ZNF385D: variants seen among roughly 807,000 people sequenced by gnomAD.
ZNF385D encodes zinc finger protein 385D.
In ZNF385D, 15 loss-of-function variants were observed where a neutral mutation model predicts 35.8. The ratio of observed to expected loss-of-function variants is 0.42; its 90% CI spans 0.28 to 0.64. The LOEUF is 0.64. Ranked by LOEUF, ZNF385D falls within the 30% of genes least tolerant of loss-of-function variation. The pLI is 0.23. For synonymous variants in ZNF385D, 212 were observed against 186.8 expected, an observed-to-expected ratio of 1.13 and a Z score of -1.10; for missense variants, 474 against 494.6, an observed-to-expected ratio of 0.96 and a Z score of 0.39.
At chr3:22,230,075 A>T (rs545780533) in intron 2 of ZNF385D, among the ~76,000 whole-genome samples, 4 of 152,314 alleles carry the variant, frequency 2.6e-5, no homozygotes, top group South Asian at 4.1e-4. Context: ...CCCAGTAAAA[A>T]TCCTTGTTAG....
At chr3:21,552,659 A>G (rs1041816684) in intron 3 of ZNF385D, among the ~76,000 whole-genome samples, 1 of 152,232 alleles carries the variant, frequency 6.6e-6, no homozygotes, top group African/African-American at 2.4e-5. Context: ...GTCAGCTTAT[A>G]TAGACCAAAG....
intron 2 of ZNF385D, among the ~76,000 whole-genome samples, chr3:22,248,783 C>T (rs1045354362): frequency 5.3e-5 from 8 of 152,060 alleles, no homozygotes; most frequent in African/African-American, 1.9e-4. Context: ...GTAGTTGTGT[C>T]GCCTCCATTT....
intron 3 of ZNF385D, among the ~76,000 whole-genome samples, chr3:21,955,987 A>T (rs1702265308): frequency 6.6e-6 from 1 of 152,034 alleles, no homozygotes; most frequent in South Asian, 2.1e-4. Context: ...GGTATATGAA[A>T]CGAGCTTGGA....
At position 21,794,178 on chromosome 3, in the gene ZNF385D, C is replaced by T. The variant is rs553061463; in HGVS notation, c.326-129150G>A. 3.4e-4 allele frequency among the ~76,000 whole-genome samples: 52 copies of T among 152,168 alleles called. No homozygotes were observed. The South Asian group carries it at 8.5e-3, about 25-fold the overall frequency. ...GGAAGGCACCTGATCTCTACCTTTG[C>T]GTTCTCCGCCACCATATGCAACTTG... is the stretch of plus-strand genomic sequence containing the variant. On this transcript the variant is annotated intron_variant, in intron 3 of 5. Transcript: ENST00000494108.
intron 3 of ZNF385D, among the ~76,000 whole-genome samples, chr3:21,799,026 G>A (rs2072280205): frequency 6.6e-6 from 1 of 152,106 alleles, no homozygotes; most frequent in South Asian, 2.1e-4. Context: ...CACCTATCCT[G>A]AATATTCCAT....
chr3:21,790,616 G>C (rs867794073), intron 3 of ZNF385D, among the ~76,000 whole-genome samples: 2 of 152,218 alleles, frequency 1.3e-5, no homozygotes, highest in South Asian at 4.2e-4. Flanking sequence ...TGGAAGGGGA[G>C]GGTGAGCATC....
At chr3:21,908,549 G>A (rs1180926363) in intron 3 of ZNF385D, among the ~76,000 whole-genome samples, 2 of 152,090 alleles carry the variant, frequency 1.3e-5, no homozygotes, top group African/African-American at 4.8e-5. Context: ...CTGAGGCTGA[G>A]GGTCAGAGTA....
chr3:21,423,772 T>C (rs145421703), intron 7 of ZNF385D, among the ~76,000 whole-genome samples, 191 bp downstream of exon 7: 2 of 152,334 alleles, frequency 1.3e-5, no homozygotes, highest in South Asian at 2.1e-4. Flanking sequence ...CCAGATTTCA[T>C]GGGATTACTT....
At chr3:22,088,952 T>C (rs757998913) in intron 3 of ZNF385D, among the ~76,000 whole-genome samples, 1 of 152,210 alleles carries the variant, frequency 6.6e-6, no homozygotes. Context: ...AATGACTTTT[T>C]TTAAAGAACA....
chr3:21,918,903 C>G (rs1335319469), intron 3 of ZNF385D, among the ~76,000 whole-genome samples: 1 of 152,096 alleles, frequency 6.6e-6, no homozygotes, highest in African/African-American at 2.4e-5. Flanking sequence ...TCATTAGCTT[C>G]AAGGTTATAT....
At chr3:22,160,141 C>A (rs1025697616) in intron 3 of ZNF385D, among the ~76,000 whole-genome samples, 1 of 152,198 alleles carries the variant, frequency 6.6e-6, no homozygotes, top group South Asian at 2.1e-4. Flanking sequence ...GAGGCCTCCC[C>A]AGCCATGTGG....
Position 22,010,927 on chromosome 3 carries a change from T to C in ZNF385D, c.325+157890A>G, listed in dbSNP as rs147826619. On this transcript the variant is annotated intron_variant, in intron 3 of 5. Coordinates refer to the ZNF385D transcript ENST00000494108. ...CCCATCCTCCCACCACTCACCCTCA[T>C]TGAAAATATCATCTACTCAGAACCA... 2.1e-3 allele frequency among the ~76,000 whole-genome samples: 319 copies of C among 152,266 alleles called. 1 individual carries two copies. The highest frequency in any genetic ancestry group is 6.8e-3 in the Middle Eastern group (2 of 294).
chr3:21,939,570 T>G (rs777021782), intron 3 of ZNF385D, among the ~76,000 whole-genome samples: 20 of 152,184 alleles, frequency 1.3e-4, no homozygotes, highest in Non-Finnish European at 2.1e-4. Flanking sequence ...GTTGAGCTCC[T>G]AAATATAGTA....
intron 4 of ZNF385D, among the ~76,000 whole-genome samples, chr3:21,477,282 G>T (rs553419550): frequency 9.9e-5 from 15 of 152,024 alleles, no homozygotes; most frequent in Middle Eastern, 3.4e-3. Flanking sequence ...ACAAAAACTA[G>T]CCAGACATTG....
chr3:21,716,190 A>G (rs1413155141), intron 1 of ZNF385D, among the ~76,000 whole-genome samples: 1 of 151,982 alleles, frequency 6.6e-6, no homozygotes, highest in African/African-American at 2.4e-5. Flanking sequence ...AAATATTTTG[A>G]TAGCTTTGTA....
chr3:21,804,617 C>T (rs1055798584), intron 3 of ZNF385D, among the ~76,000 whole-genome samples: 7 of 152,150 alleles, frequency 4.6e-5, no homozygotes, highest in Non-Finnish European at 1.0e-4. Flanking sequence ...GGTTTGAATC[C>T]TTCCTTCTAC....
At chr3:21,800,067 A>G (rs979436391) in intron 3 of ZNF385D, among the ~76,000 whole-genome samples, 30 of 152,160 alleles carry the variant, frequency 2.0e-4, no homozygotes, top group South Asian at 6.2e-4. Flanking sequence ...TTATGGATTT[A>G]TTTCTGGACT....
Position 22,030,278 on chromosome 3 carries a change from T to TACAA in ZNF385D, c.325+138538_325+138539insTTGT, listed in dbSNP as rs1189254376. ...ATTCATATATATATATATATATATA[T>TACAA]ATATATATATATATATATATATATC... is the stretch of plus-strand genomic sequence containing the variant. On this transcript the variant is annotated intron_variant, in intron 3 of 5. Transcript: ENST00000494108. Among the ~76,000 whole-genome samples, 10 of 110,450 alleles carry TACAA rather than the reference T, an allele frequency of 9.1e-5. 1 individual carries two copies. The highest frequency in any genetic ancestry group is 3.7e-4 in the African/African-American group (10 of 27,326). 72.5% of individuals were successfully genotyped at this position (110,450 alleles called of 152,430 possible).
intron 3 of ZNF385D, among the ~76,000 whole-genome samples, chr3:21,849,372 G>A (rs918207455): frequency 4.6e-5 from 7 of 152,010 alleles, no homozygotes; most frequent in Admixed American, 1.3e-4. Context: ...ATTTATACAA[G>A]TTATTACATA....
Sources: allele counts gnomAD v4.1 joint callset (sites outside exome capture counted in the v4.1 genomes callset), GRCh38; gene constraint gnomAD v4.1.1; transcripts MANE v1.5; gene names NCBI Gene and HGNC (gene_info 2026-07-23, HGNC 2026-07-21).